Variants in RGL1 observed in about 807,000 individuals in gnomAD.
The protein encoded by RGL1 is ral guanine nucleotide dissociation stimulator-like 1.
A neutral mutation model predicts 95.2 loss-of-function variants in RGL1; 24 were observed. The ratio of observed to expected loss-of-function variants is 0.25; its 90% confidence interval spans 0.18 to 0.35. The LOEUF (loss-of-function observed/expected upper bound fraction) is 0.35. Ranked by LOEUF, RGL1 falls within the 10% of genes least tolerant of loss-of-function variation. The pLI, the probability that RGL1 is intolerant of heterozygous loss-of-function variation, is 1.00. For missense variants in RGL1, 715 were observed against 936.3 expected, an observed-to-expected ratio of 0.76 and a Z score of 3.08; for synonymous variants, 329 against 344.9, an observed-to-expected ratio of 0.95 and a Z score of 0.51.
chr1:183,644,704 A>G (rs528762810), intron 1 of RGL1, among the ~76,000 whole-genome samples: 53 of 152,268 alleles, frequency 3.5e-4, no homozygotes, highest in African/African-American at 1.2e-3. Context: ...TTAAAAACCA[A>G]TACGAAGAGT....
At chr1:183,728,461 A>G (rs1485755461) in intron 1 of RGL1, among the ~76,000 whole-genome samples, 1 of 152,172 alleles carries the variant, frequency 6.6e-6, no homozygotes, top group African/African-American at 2.4e-5. Flanking sequence ...TAAATAAAGT[A>G]TATGTTAAAA....
chr1:183,782,173 G>C (rs1328165204), intron 2 of RGL1, among the ~76,000 whole-genome samples: 1 of 152,266 alleles, frequency 6.6e-6, no homozygotes, highest in South Asian at 2.1e-4. Context: ...TCTGTCCCCA[G>C]ATACCTGCCA....
At chr1:183,805,971 C>T (rs79137104) in intron 1 of RGL1, among the ~76,000 whole-genome samples, 1,352 of 74,006 alleles carry the variant, frequency 0.018, 8 homozygotes, top group Middle Eastern at 0.027. Context: ...CTTTTCTTTT[C>T]TTTTTTTTTT....
intron 1 of RGL1, among the ~76,000 whole-genome samples, chr1:183,673,989 G>A (rs765936915): frequency 5.9e-5 from 9 of 152,104 alleles, no homozygotes; most frequent in Non-Finnish European, 1.3e-4. Context: ...CAACCTACCT[G>A]AATTATGTCA....
intron 1 of RGL1, among the ~76,000 whole-genome samples, chr1:183,729,182 A>ATGTG (rs1433473219): frequency 8.6e-6 from 1 of 116,830 alleles, no homozygotes; most frequent in Non-Finnish European, 1.9e-5. Flanking sequence ...GATAAAATAT[A>ATGTG]TATGTGTGTG....
At chr1:183,640,492 A>T (rs80068732) in intron 1 of RGL1, among the ~76,000 whole-genome samples, 1,658 of 152,184 alleles carry the variant, frequency 0.011, 34 homozygotes, top group African/African-American at 0.038. Context: ...TTCAAAGATT[A>T]AAAAAAATTG....
chr1:183,832,141 G>A (rs571603216), intron 2 of RGL1, among the ~76,000 whole-genome samples: 24 of 152,262 alleles, frequency 1.6e-4, no homozygotes, highest in African/African-American at 5.8e-4. Context: ...CTCATACCCA[G>A]TTATGGACTG....
intron 1 of RGL1, among the ~76,000 whole-genome samples, chr1:183,651,885 A>G (rs1034376564): frequency 6.6e-6 from 1 of 152,170 alleles, no homozygotes; most frequent in Non-Finnish European, 1.5e-5. Context: ...CTCCTTGCTT[A>G]GCCTTCATCA....
chr1:183,646,851 T>A (rs2101987480), intron 1 of RGL1: 1 of 152,252 alleles, frequency 6.6e-6, no homozygotes, highest in South Asian at 2.1e-4. Flanking sequence ...TTTTGCTGGG[T>A]AATGTGCTAG....
intron 2 of RGL1, chr1:183,754,612 A>G (rs1385478659): frequency 1.6e-4 from 24 of 152,182 alleles, no homozygotes; most frequent in Non-Finnish European, 1.5e-5. Flanking sequence ...GTTGAAGAAG[A>G]CACACCCAAT....
At chr1:183,715,327 G>C (rs542054468) in intron 1 of RGL1, among the ~76,000 whole-genome samples, 21 of 151,900 alleles carry the variant, frequency 1.4e-4, no homozygotes, top group Non-Finnish European at 2.4e-4. Flanking sequence ...CCTCGTTGTT[G>C]GTGAACTGAT....
chr1:183,670,933 G>T (rs114599806), intron 1 of RGL1, among the ~76,000 whole-genome samples: 3 of 152,108 alleles, frequency 2.0e-5, no homozygotes, highest in African/African-American at 7.2e-5. Context: ...TGTAAGAACT[G>T]CCCAAGACTG....
chr1:183,656,466 C>G (rs114780727), intron 1 of RGL1, among the ~76,000 whole-genome samples: 1,983 of 152,368 alleles, frequency 0.013, 53 homozygotes, highest in African/African-American at 0.046. Flanking sequence ...GTAACCTACT[C>G]TTGTACCAAT....
chr1:183,763,131 A>G (rs533221984), intron 2 of RGL1, among the ~76,000 whole-genome samples: 2 of 152,268 alleles, frequency 1.3e-5, no homozygotes, highest in East Asian at 1.9e-4. Flanking sequence ...AAGCAAACTA[A>G]CACAAGAACA....
intron 2 of RGL1, among the ~76,000 whole-genome samples, chr1:183,780,145 T>A (rs1009726459): frequency 6.6e-6 from 1 of 152,180 alleles, no homozygotes; most frequent in African/African-American, 2.4e-5. Flanking sequence ...GTGACTTGAT[T>A]TTTTGCAAAT....
At position 183,866,104 on chromosome 1, in the gene RGL1, T is replaced by A. The variant is rs747782467; in HGVS notation, c.425+31T>A. ...TCTCCCTTTTCTTTGCATTCTAAGCTCTCAGTCAAGACAATATCTTAAAGT... is the reference window on the plus strand; with the variant it reads ...TCTCCCTTTTCTTTGCATTCTAAGCACTCAGTCAAGACAATATCTTAAAGT... On this transcript the variant is annotated intron_variant, in intron 4 of 17. Coordinates refer to ENST00000360851, the MANE Select transcript of RGL1 (RefSeq NM_001297671.3). The A allele has an allele frequency of 1.7e-5, 26 of 1,520,850 alleles. 1 individual carries two copies. In the South Asian group the frequency reaches 2.8e-4, roughly 16 times the overall value. 94.2% of individuals were successfully genotyped at this position (1,520,850 alleles called of 1,614,324 possible). A position where few individuals can be genotyped will look rare whatever the true frequency, so the allele number is the denominator to read the frequency against.
chr1:183,782,017 C>T (rs1273352266), intron 2 of RGL1, among the ~76,000 whole-genome samples: 1 of 152,122 alleles, frequency 6.6e-6, no homozygotes, highest in Non-Finnish European at 1.5e-5. Context: ...TTTATGAACA[C>T]CTGATACATA....
At chr1:183,713,384 C>T (rs1341419909) in intron 1 of RGL1, among the ~76,000 whole-genome samples, 1 of 137,038 alleles carries the variant, frequency 7.3e-6, no homozygotes, top group Admixed American at 7.3e-5. Context: ...GCACCCCCCC[C>T]CCCCGCTTTT....
At chr1:183,794,000 C>T (rs757275048) in intron 2 of RGL1, among the ~76,000 whole-genome samples, 27 of 150,990 alleles carry the variant, frequency 1.8e-4, no homozygotes, top group African/African-American at 4.1e-4. Context: ...ATAATAGCCA[C>T]GATATAGAAT....
Sources: gnomAD v4.1 joint callset for allele counts (sites outside exome capture counted in the v4.1 genomes callset) on GRCh38, gnomAD v4.1.1 for gene constraint, MANE v1.5 for transcripts, NCBI Gene and HGNC (gene_info 2026-07-23, HGNC 2026-07-21) for gene names.